Variants in YEATS2 observed in about 807,000 individuals in gnomAD.
YEATS2 encodes YEATS domain containing 2.
Under a neutral mutation model 163.2 loss-of-function variants are expected in YEATS2, and 77 were observed. The observed-to-expected ratio is 0.47, with a 90% CI of 0.39 to 0.57. The LOEUF (loss-of-function observed/expected upper bound fraction) is 0.57. Ranked by LOEUF, YEATS2 falls within the 20% of genes least tolerant of loss-of-function variation. The pLI, the probability that YEATS2 is intolerant of heterozygous loss-of-function variation, is 0.00. For synonymous variants in YEATS2, 631 were observed against 645.1 expected, an observed-to-expected ratio of 0.98 and a Z score of 0.33; for missense variants, 1,549 against 1,729.8, an observed-to-expected ratio of 0.90 and a Z score of 1.85.
At position 183,762,297 on chromosome 3, in the gene YEATS2, A is replaced by G; in HGVS notation, c.1947+18A>G. The G allele has an allele frequency of 2.6e-6, 4 of 1,552,058 alleles. No homozygotes were observed. Among genetic ancestry groups the G allele is most frequent in the Non-Finnish European group, 2.6e-6 (3 of 1,150,614 alleles). On this transcript the variant is annotated intron_variant, in intron 15 of 30. Coordinates refer to ENST00000305135, the MANE Select transcript of YEATS2 (RefSeq NM_018023.5). ...CCTCCAAGGTTTGTGTTGGGTAGAGATGGGAAATTTCACATGTAAATGATG... is the reference window on the plus strand; with the variant it reads ...CCTCCAAGGTTTGTGTTGGGTAGAGGTGGGAAATTTCACATGTAAATGATG...
intron 12 of YEATS2, among the ~76,000 whole-genome samples, chr3:183,757,288 A>T (rs1195309006): frequency 2.6e-5 from 4 of 152,022 alleles, no homozygotes; most frequent in Non-Finnish European, 5.9e-5. Flanking sequence ...ATTGTTAATT[A>T]ATTAATTTAT....
intron 7 of YEATS2, 47 bp from the exon 8 acceptor site, chr3:183,736,671 T>G: frequency 6.8e-7 from 1 of 1,465,484 alleles, no homozygotes; most frequent in Non-Finnish European, 9.4e-7. Flanking sequence ...CTGTGTAGGA[T>G]GAGAGAGTGA....
At position 183,811,353 on chromosome 3, in the gene YEATS2, T is replaced by C. The variant is rs945301589; in HGVS notation, c.*770T>C. The stretch of plus-strand genomic sequence containing the variant: ...GGCAGAAGTGTAGCAGCGTTACACA[T>C]GTGTGCGAAGCAGATCGCAGGTTCC... On this transcript the variant is annotated 3_prime_UTR_variant, in exon 31 of 31. Coordinates refer to ENST00000305135, the MANE Select transcript of YEATS2 (RefSeq NM_018023.5). The C allele has an allele frequency of 3.9e-5, 6 of 152,554 alleles. No individual in the cohort carries two copies. Among genetic ancestry groups the C allele is most frequent in the African/African-American group, 1.4e-4 (6 of 41,404 alleles). The allele number at this position is 152,554 out of a possible 1,614,324, so 9.5% of individuals were successfully genotyped here.
intron 21 of YEATS2, among the ~76,000 whole-genome samples, chr3:183,796,854 T>A (rs561465200): frequency 1.1e-4 from 17 of 152,260 alleles, no homozygotes; most frequent in Admixed American, 5.9e-4. Flanking sequence ...TAGTATTGAT[T>A]TTCTCTGCGG....
intron 29 of YEATS2, 169 bp from the exon 30 acceptor site, chr3:183,808,928 G>A: frequency 1.7e-6 from 1 of 582,272 alleles, no homozygotes; most frequent in Non-Finnish European, 3.1e-6. Context: ...CAGAATCATG[G>A]CCTTTATCAT....
In YEATS2 at chr3:183,797,795, C is replaced by G. The variant is rs891192628; in HGVS notation, c.3098-128C>G. ...CATCTGTTGTCTCCTGCTTCTTGCTCTTTGTTTACTGGAAGGTTAAATGTC... is the reference window on the plus strand; with the variant it reads ...CATCTGTTGTCTCCTGCTTCTTGCTGTTTGTTTACTGGAAGGTTAAATGTC... On this transcript the variant is annotated intron_variant, in intron 21 of 30. Coordinates refer to ENST00000305135, the MANE Select transcript of YEATS2 (RefSeq NM_018023.5). 2.0e-5 allele frequency: 24 copies of G among 1,175,838 alleles called. No homozygotes were observed. The African/African-American group carries it at 3.4e-4, about 17-fold the overall frequency. 72.8% of individuals were successfully genotyped at this position (1,175,838 alleles called of 1,614,324 possible). A position where few individuals can be genotyped will look rare whatever the true frequency, so the allele number is the denominator to read the frequency against.
intron 9 of YEATS2, among the ~76,000 whole-genome samples, chr3:183,749,913 G>A (rs899101011): frequency 6.6e-6 from 1 of 152,096 alleles, no homozygotes; most frequent in South Asian, 2.1e-4. Flanking sequence ...CACCTCCCGG[G>A]TTCACGCCAT....
intron 11 of YEATS2, 131 bp from the exon 12 acceptor site, chr3:183,756,397 A>G: frequency 1.3e-6 from 1 of 785,128 alleles, no homozygotes. Context: ...GGGAGCACGC[A>G]GTATCCATTT....
At position 183,712,782 on chromosome 3, in the gene YEATS2, G is replaced by A. The variant is rs57998186; in HGVS notation, c.-19-2362G>A. On this transcript the variant is annotated intron_variant, in intron 1 of 30. Transcript: ENST00000305135. ...AATACAAATTTTTTTTTTTTTTCGA[G>A]AGAGTTTTGCTCTTGTTGCCCAGGC... Among the ~76,000 whole-genome samples the A allele has an allele frequency of 8.7e-3, 1,298 of 148,796 alleles. 19 individuals are homozygous for A. The highest frequency in any genetic ancestry group is 0.031 in the African/African-American group (1,249 of 40,260).
At chr3:183,802,897 T>C (rs1725826851) in intron 25 of YEATS2, 1 of 195,920 alleles carries the variant, frequency 5.1e-6, no homozygotes, top group South Asian at 1.1e-4. Context: ...ATCACCGCAC[T>C]CCAGCCTGGG....
At chr3:183,754,006 C>T in intron 10 of YEATS2, 120 bp from the exon 11 acceptor site, 1 of 1,217,234 alleles carries the variant, frequency 8.2e-7, no homozygotes, top group Non-Finnish European at 1.1e-6. Context: ...ATTTATTTTG[C>T]TACCAGTACA....
intron 1 of YEATS2, among the ~76,000 whole-genome samples, chr3:183,708,242 A>G (rs1231797352): frequency 6.7e-6 from 1 of 149,560 alleles, no homozygotes; most frequent in Admixed American, 6.7e-5. Context: ...GCTCACTGCA[A>G]CCTCTGCCTC....
At chr3:183,709,184 T>A (rs1412783546) in intron 1 of YEATS2, among the ~76,000 whole-genome samples, 1 of 152,098 alleles carries the variant, frequency 6.6e-6, no homozygotes, top group Non-Finnish European at 1.5e-5. Flanking sequence ...TTGGTTTTCT[T>A]TTTGGTTTCT....
At chr3:183,792,238 A>G (rs1355888451) in intron 21 of YEATS2, among the ~76,000 whole-genome samples, 2 of 152,152 alleles carry the variant, frequency 1.3e-5, no homozygotes, top group African/African-American at 2.4e-5. Context: ...TCAACCCATC[A>G]TCTAGGTTTT....
intron 19 of YEATS2, among the ~76,000 whole-genome samples, chr3:183,784,147 A>G (rs1723834762): frequency 6.6e-6 from 1 of 152,134 alleles, no homozygotes; most frequent in Admixed American, 6.6e-5. Context: ...TGGCCTCCCA[A>G]AGTGCTGGGA....
intron 8 of YEATS2, among the ~76,000 whole-genome samples, chr3:183,738,571 GT>G (rs1289961457): frequency 9.5e-6 from 1 of 105,656 alleles, no homozygotes; most frequent in African/African-American, 3.8e-5. Context: ...CCCCACCACA[GT>G]CCCCAGAGTG....
At chr3:183,759,072 T>A in intron 13 of YEATS2, 107 bp downstream of exon 13, 1 of 734,792 alleles carries the variant, frequency 1.4e-6, no homozygotes, top group Non-Finnish European at 2.1e-6. Context: ...AACCAGGCTG[T>A]ATCGAACTCC....
chr3:183,750,715 T>C (rs775300418), intron 9 of YEATS2, among the ~76,000 whole-genome samples: 1 of 152,200 alleles, frequency 6.6e-6, no homozygotes, highest in African/African-American at 2.4e-5. Flanking sequence ...TTGGTGACCA[T>C]GTGTTTATCT....
At chr3:183,741,103 T>G (rs1464731438) in intron 8 of YEATS2, among the ~76,000 whole-genome samples, 2 of 151,892 alleles carry the variant, frequency 1.3e-5, no homozygotes, top group African/African-American at 4.8e-5. Flanking sequence ...CACGCGCGGA[T>G]AATTTTTGTA....
Sources: allele counts gnomAD v4.1 joint callset (sites outside exome capture counted in the v4.1 genomes callset), GRCh38; gene constraint gnomAD v4.1.1; transcripts MANE v1.5; gene names NCBI Gene and HGNC (gene_info 2026-07-23, HGNC 2026-07-21).